The following TRIM49D1 variants were observed in gnomAD, a reference collection of about 807,000 sequenced individuals.
TRIM49D1 encodes the protein tripartite motif containing 49D1, also known as tripartite motif-containing protein 49D.
At chr11:89,920,751 T>A (rs1303279986) in intron 1 of TRIM49D1, among the ~76,000 whole-genome samples, 1 of 151,994 alleles carries the variant, frequency 6.6e-6, no homozygotes, top group Non-Finnish European at 1.5e-5. Context: ...AAGGGCACAT[T>A]TATTTATTCT....
chr11:89,921,582 A>G (rs1327907168), intron 1 of TRIM49D1: 1 of 152,012 alleles, frequency 6.6e-6, no homozygotes, highest in Non-Finnish European at 1.5e-5. Context: ...AATATATATG[A>G]ATACTTAGGG....
Position 89,922,112 on chromosome 11 carries a change from G to T in TRIM49D1, c.-476C>A, listed in dbSNP as rs1185467910. 6.6e-6 allele frequency among the ~76,000 whole-genome samples: 1 copy of T among 151,854 alleles called. No homozygotes were observed. Among genetic ancestry groups the T allele is most frequent in the East Asian group, 1.9e-4 (1 of 5,184 alleles). ...GTTAAGTATTTGGGTTCATTTCTGG[G>T]TTCTCTATTCTGTTCCACTGGTCTA... On this transcript the variant is annotated 5_prime_UTR_variant, in exon 1 of 8. Coordinates refer to ENST00000420869, the MANE Select transcript of TRIM49D1 (RefSeq NM_001384911.1).
At chr11:89,912,326 A>G (rs1224291484) in intron 7 of TRIM49D1, among the ~76,000 whole-genome samples, 1 of 149,230 alleles carries the variant, frequency 6.7e-6, no homozygotes, top group African/African-American at 2.4e-5. Flanking sequence ...AGATGTTTTG[A>G]AAACTTACAT....
intron 7 of TRIM49D1, 44 bp from the exon 8 acceptor site, chr11:89,912,130 A>ATAAG: frequency 7.5e-7 from 1 of 1,329,266 alleles, no homozygotes; most frequent in Non-Finnish European, 9.7e-7. Context: ...AAATAAATAA[A>ATAAG]TAGAAAGAAA....
intron 1 of TRIM49D1, among the ~76,000 whole-genome samples, chr11:89,920,966 G>C (rs892376505): frequency 6.6e-6 from 1 of 152,022 alleles, no homozygotes; most frequent in Non-Finnish European, 1.5e-5. Context: ...TCCAACTCCT[G>C]TCTTCAAGTA....
At position 89,921,959 on chromosome 11, in the gene TRIM49D1, G is replaced by C. The variant is rs942340901; in HGVS notation, c.-323C>G. On this transcript the variant is annotated 5_prime_UTR_variant, in exon 1 of 8. Coordinates refer to ENST00000420869, the MANE Select transcript of TRIM49D1 (RefSeq NM_001384911.1). ...TCATTGAATAACAATAAGAAAGTTT[G>C]TCTATGCCACAAAGTCCAGTTTCAT... Among the ~76,000 whole-genome samples, 3 of 151,980 alleles carry C rather than the reference G, an allele frequency of 2.0e-5. No individual in the cohort carries two copies. Among genetic ancestry groups the C allele is most frequent in the Non-Finnish European group, 4.4e-5 (3 of 68,018 alleles).
chr11:89,921,982 C>T lies in TRIM49D1; in HGVS notation c.-346G>A, dbSNP rs1950337334. 6.6e-6 allele frequency among the ~76,000 whole-genome samples: 1 copy of T among 151,978 alleles called. No homozygotes were observed. Among genetic ancestry groups the T allele is most frequent in the African/African-American group, 2.4e-5 (1 of 41,306 alleles). ...TTGTCTATGCCACAAAGTCCAGTTT[C>T]ATTCTCCTACATGTGGCTTGCCAAT... On this transcript the variant is annotated 5_prime_UTR_variant, in exon 1 of 8. An upstream start codon of the reference 5' UTR is lost. Transcript: ENST00000420869.
In TRIM49D1 at chr11:89,920,327, T is replaced by C. The variant is rs370153719; in HGVS notation, c.-33A>G. ...TGGGTTCTTTGAAGGGTTCCCACAA[T>C]GATTCTTCGAGAAATAATTCTGTTA... is the stretch of plus-strand genomic sequence containing the variant. On this transcript the variant is annotated 5_prime_UTR_variant, in exon 2 of 8. Transcript: ENST00000420869. The C allele has an allele frequency of 0.019, 4,594 of 247,366 alleles. 58 individuals are homozygous for C. Among genetic ancestry groups the C allele is most frequent in the Middle Eastern group, 0.031 (35 of 1,112 alleles). 15.3% of individuals were successfully genotyped at this position (247,366 alleles called of 1,614,324 possible). A position where few individuals can be genotyped will look rare whatever the true frequency, so the allele number is the denominator to read the frequency against.
chr11:89,921,167 C>G (rs913224856), intron 1 of TRIM49D1, among the ~76,000 whole-genome samples: 1 of 152,034 alleles, frequency 6.6e-6, no homozygotes, highest in African/African-American at 2.4e-5. Context: ...AATTTGAGGT[C>G]TCTTACTGAA....
intron 1 of TRIM49D1, among the ~76,000 whole-genome samples, 144 bp from the exon 2 acceptor site, chr11:89,920,653 T>A (rs1341459100): frequency 6.6e-6 from 1 of 151,766 alleles, no homozygotes; most frequent in African/African-American, 2.4e-5. Context: ...GTAACATAAA[T>A]CCTATCAGAT....
intron 1 of TRIM49D1, among the ~76,000 whole-genome samples, chr11:89,921,279 T>C (rs1950330874): frequency 6.6e-6 from 1 of 152,054 alleles, no homozygotes; most frequent in South Asian, 2.1e-4. Flanking sequence ...AAATGCAATA[T>C]AGTAATTAAT....
chr11:89,920,928 G>T (rs182635205), intron 1 of TRIM49D1, among the ~76,000 whole-genome samples: 51 of 152,110 alleles, frequency 3.4e-4, no homozygotes, highest in African/African-American at 1.2e-3. Flanking sequence ...CATAGAGTCA[G>T]GGTATGGCTC....
chr11:89,921,156 T>C (rs1461185695), intron 1 of TRIM49D1, among the ~76,000 whole-genome samples: 1 of 152,116 alleles, frequency 6.6e-6, no homozygotes, highest in Admixed American at 6.6e-5. Flanking sequence ...ATAACTCTAC[T>C]AATTTGAGGT....
rs1950338498 is a variant in TRIM49D1 at position 89,922,146 on chromosome 11, T to G, written c.-510A>C. ...TCTGTTCCACTGGTCTATGTGCCTA[T>G]TTTTGTACCAGTACCATGCTGTTTT... On this transcript the variant is annotated 5_prime_UTR_variant, in exon 1 of 8. Transcript: ENST00000420869. Among the ~76,000 whole-genome samples, 2 of 151,994 alleles carry G rather than the reference T, an allele frequency of 1.3e-5. No individual in the cohort carries two copies. Among genetic ancestry groups the G allele is most frequent in the African/African-American group, 4.8e-5 (2 of 41,314 alleles).
At position 89,922,185 on chromosome 11, in the gene TRIM49D1, G is replaced by T. The variant is rs1326764278; in HGVS notation, c.-549C>A. ...CCATGCTGTTTTGGTGATGAATAAAGGCCTGGAGTATGGGGATGTAATGCT... is the reference window on the plus strand; with the variant it reads ...CCATGCTGTTTTGGTGATGAATAAATGCCTGGAGTATGGGGATGTAATGCT... On this transcript the variant is annotated 5_prime_UTR_variant, in exon 1 of 8. Transcript: ENST00000420869. 6.6e-6 allele frequency among the ~76,000 whole-genome samples: 1 copy of T among 151,940 alleles called. No homozygotes were observed. The highest frequency in any genetic ancestry group is 2.4e-5 in the African/African-American group (1 of 41,266).
At chr11:89,920,256 A>G (rs1380052636) in intron 2 of TRIM49D1, 43 bp downstream of exon 2, 2 of 67,904 alleles carry the variant, frequency 2.9e-5, no homozygotes, top group East Asian at 2.7e-4. Flanking sequence ...ATTATTTTGT[A>G]AAGGAAAGAA....
chr11:89,911,725 GT>G lies in TRIM49D1; in HGVS notation c.1220del (p.Asn407ThrfsTer3). 1 of 604,594 alleles carries G rather than the reference GT, an allele frequency of 1.7e-6. No individual in the cohort carries two copies. The highest frequency in any genetic ancestry group is 2.7e-6 in the Non-Finnish European group (1 of 373,998). The allele number at this position is 604,594 out of a possible 1,614,324, so 37.5% of individuals were successfully genotyped here. ...CACAATCCAGGAATAATCCTACATG[GT>G]TGGTAGGTCTTGGGACATACTGCAG... ...LTLQYVPRPT[N>X]HVGLFLDCEA... is the part of the protein sequence containing the mutation. On this transcript the variant is annotated frameshift_variant, in exon 8 of 8. Coordinates refer to ENST00000420869, the MANE Select transcript of TRIM49D1 (RefSeq NM_001384911.1). LOFTEE classifies it high-confidence loss of function.
intron 1 of TRIM49D1, 148 bp downstream of exon 1, chr11:89,921,704 T>A (rs1950335268): frequency 6.6e-6 from 1 of 152,058 alleles, no homozygotes; most frequent in Admixed American, 6.6e-5. Context: ...CTCAGCTGGC[T>A]GGATCCCAAT....
chr11:89,921,227 A>G lies in TRIM49D1; in HGVS notation c.-216+625T>C, dbSNP rs1390410787. Among the ~76,000 whole-genome samples the G allele has an allele frequency of 1.3e-5, 2 of 152,060 alleles. 1 individual carries two copies. Among genetic ancestry groups the G allele is most frequent in the African/African-American group, 4.8e-5 (2 of 41,364 alleles). ...GGGTGAAATACGAGTTATTATTTTAATGCTTTTCTCCACATGGTGCATGAT... is the reference window on the plus strand; with the variant it reads ...GGGTGAAATACGAGTTATTATTTTAGTGCTTTTCTCCACATGGTGCATGAT... On this transcript the variant is annotated intron_variant, in intron 1 of 7. Transcript: ENST00000420869.
Sources: allele counts gnomAD v4.1 joint callset (sites outside exome capture counted in the v4.1 genomes callset), GRCh38; gene constraint gnomAD v4.1.1; transcripts MANE v1.5; gene names NCBI Gene and HGNC (gene_info 2026-07-23, HGNC 2026-07-21).